Variants in NKAIN3 observed in about 807,000 individuals in gnomAD.
NKAIN3 encodes sodium/potassium-transporting ATPase subunit beta-1-interacting protein 3.
Under a neutral mutation model 30.2 loss-of-function variants are expected in NKAIN3, and 25 were observed. The observed-to-expected ratio is 0.83, with a 90% confidence interval of 0.60 to 1.16. NKAIN3 has a LOEUF of 1.16. NKAIN3 is among the 50% of genes most tolerant of loss of function. The pLI is 0.00. For missense variants in NKAIN3, 225 were observed against 254.1 expected (o/e 0.89, Z 0.78); for synonymous variants, 91 against 89.6 (o/e 1.02, Z -0.09).
chr8:62,734,758 T>G (rs2130552779), intron 3 of NKAIN3, among the ~76,000 whole-genome samples: 1 of 152,340 alleles, frequency 6.6e-6, no homozygotes, highest in South Asian at 2.1e-4. Flanking sequence ...AAGAAGTCTG[T>G]GTCATATATA....
intron 1 of NKAIN3, among the ~76,000 whole-genome samples, chr8:62,421,886 A>G (rs1204667671): frequency 2.0e-5 from 3 of 152,062 alleles, no homozygotes; most frequent in Admixed American, 2.0e-4. Flanking sequence ...CTATGATGTC[A>G]TATAGTCAGT....
chr8:62,831,680 G>GA (rs966447035), intron 4 of NKAIN3, among the ~76,000 whole-genome samples: 9 of 151,364 alleles, frequency 5.9e-5, no homozygotes, highest in African/African-American at 1.9e-4. Flanking sequence ...TAAAAATAAA[G>GA]AAAAAAAAAT....
rs547515045 is a variant in NKAIN3 at position 62,575,201 on chromosome 8, G to C, written c.55-4338G>C. 8.5e-5 allele frequency among the ~76,000 whole-genome samples: 13 copies of C among 152,118 alleles called. No homozygotes were observed. The East Asian group carries it at 2.3e-3, about 27-fold the overall frequency. On this transcript the variant is annotated intron_variant, in intron 1 of 6. Coordinates refer to ENST00000623646, the MANE Select transcript of NKAIN3 (RefSeq NM_001304533.3). ...AATTAGCCTTGTTTGCAGATGATAT[G>C]ATTTTATATTTGGGAAAACCTAAAG...
intron 1 of NKAIN3, among the ~76,000 whole-genome samples, chr8:62,255,556 T>TAATACAGAAAGAGAGCTAGTCTGG (rs1812237144): frequency 6.6e-6 from 1 of 152,188 alleles, no homozygotes; most frequent in African/African-American, 2.4e-5. Context: ...CCTAGGAACT[T>TAATACAGAAAGAGAGCTAGTCTGG]AATACAGAAA....
chr8:62,567,276 C>A lies in NKAIN3; in HGVS notation c.55-12263C>A, dbSNP rs188524973. Among the ~76,000 whole-genome samples the A allele has an allele frequency of 6.3e-3, 957 of 152,090 alleles. 7 individuals carry two copies. The highest frequency in any genetic ancestry group is 0.022 in the African/African-American group (901 of 41,490). ...GGTTGGAAGAAGAAAAAGAGAGACTCAAGATTCTTCTTAGACTGGTCAGGG... is the reference window on the plus strand; with the variant it reads ...GGTTGGAAGAAGAAAAAGAGAGACTAAAGATTCTTCTTAGACTGGTCAGGG... On this transcript the variant is annotated intron_variant, in intron 1 of 6. Coordinates refer to ENST00000623646, the MANE Select transcript of NKAIN3 (RefSeq NM_001304533.3).
At chr8:62,402,912 T>A (rs926563112) in intron 1 of NKAIN3, among the ~76,000 whole-genome samples, 2 of 151,962 alleles carry the variant, frequency 1.3e-5, no homozygotes, top group Admixed American at 1.3e-4. Flanking sequence ...GATAGGAAAA[T>A]GTGGGAAAGT....
rs548003905 is a variant in NKAIN3 at position 62,309,929 on chromosome 8, T to G, written c.54+60802T>G. Reference sequence around the variant, plus strand: ...CTCATCTATTTCTCACAATTCTGCTTGGAACTATATATCTCACATTCATCC... The same window carrying G: ...CTCATCTATTTCTCACAATTCTGCTGGGAACTATATATCTCACATTCATCC... On this transcript the variant is annotated intron_variant, in intron 1 of 6. Transcript: ENST00000623646. Among the ~76,000 whole-genome samples, 4 of 150,376 alleles carry G rather than the reference T, an allele frequency of 2.7e-5. No homozygotes were observed. The East Asian group carries it at 7.8e-4, about 29-fold the overall frequency.
At chr8:62,411,583 G>A (rs1804237560) in intron 1 of NKAIN3, among the ~76,000 whole-genome samples, 1 of 152,128 alleles carries the variant, frequency 6.6e-6, no homozygotes, top group Non-Finnish European at 1.5e-5. Context: ...AGAAATTAAA[G>A]GCATCGAAAT....
chr8:62,323,206 T>C (rs938485238), intron 1 of NKAIN3, among the ~76,000 whole-genome samples: 3 of 152,196 alleles, frequency 2.0e-5, no homozygotes, highest in Non-Finnish European at 4.4e-5. Flanking sequence ...TGAAAACTTA[T>C]AGTCACACAA....
At chr8:62,437,443 C>G (rs923009719) in intron 1 of NKAIN3, among the ~76,000 whole-genome samples, 1 of 152,176 alleles carries the variant, frequency 6.6e-6, no homozygotes, top group African/African-American at 2.4e-5. Context: ...CTTATTTACA[C>G]AATGCCTCCA....
chr8:62,823,268 A>C (rs1300499063), intron 4 of NKAIN3, among the ~76,000 whole-genome samples: 1 of 152,180 alleles, frequency 6.6e-6, no homozygotes, highest in African/African-American at 2.4e-5. Flanking sequence ...CTCCATTATA[A>C]TCTTATGGTA....
At chr8:62,628,934 C>T (rs1281106026) in intron 3 of NKAIN3, among the ~76,000 whole-genome samples, 2 of 152,246 alleles carry the variant, frequency 1.3e-5, no homozygotes, top group Non-Finnish European at 2.9e-5. Context: ...ATGTAGTCAT[C>T]CTTGATACAT....
chr8:62,918,480 G>A lies in NKAIN3; in HGVS notation c.499G>A (p.Val167Met), dbSNP rs1199779277. 11 of 1,613,146 alleles carry A rather than the reference G, an allele frequency of 6.8e-6. No homozygotes were observed. ...SLVGFVYACY[V>M]ISISMEEEDT... The stretch of plus-strand genomic sequence containing the variant: ...GGTGGGTTTTGTGTATGCCTGTTAT[G>A]TGATCAGTATTTCCATGGAAGAAGA... Residue 167 changes from valine (V) to methionine (M), a missense_variant, in exon 5 of 7, where the codon GTG becomes ATG. By Grantham distance (21) the Val-to-Met change is conservative. Transcript: ENST00000623646.
chr8:62,810,481 G>A (rs1818452181), intron 4 of NKAIN3, among the ~76,000 whole-genome samples: 2 of 151,986 alleles, frequency 1.3e-5, no homozygotes. Flanking sequence ...TAGACTCCAT[G>A]GGCTTCAGTT....
chr8:62,290,640 G>C (rs1813572387), intron 1 of NKAIN3, among the ~76,000 whole-genome samples: 1 of 152,102 alleles, frequency 6.6e-6, no homozygotes, highest in South Asian at 2.1e-4. Flanking sequence ...GATTCAGTTT[G>C]CCAGTATTTT....
intron 1 of NKAIN3, among the ~76,000 whole-genome samples, chr8:62,266,058 C>A (rs1382966356): frequency 6.6e-6 from 1 of 152,116 alleles, no homozygotes; most frequent in Non-Finnish European, 1.5e-5. Flanking sequence ...TACTGTGTCC[C>A]TCTGTTCACT....
chr8:62,628,760 A>G (rs534457349), intron 3 of NKAIN3, among the ~76,000 whole-genome samples: 5 of 152,246 alleles, frequency 3.3e-5, no homozygotes, highest in African/African-American at 1.2e-4. Flanking sequence ...TTTCTCATGC[A>G]TAAGTAATGG....
chr8:62,496,188 AG>A (rs1394667369), intron 1 of NKAIN3, among the ~76,000 whole-genome samples: 6 of 152,176 alleles, frequency 3.9e-5, no homozygotes, highest in Admixed American at 3.9e-4. Context: ...TAAGCATAAA[AG>A]GAAAGGCAGA....
chr8:62,606,652 T>G (rs1811142235), intron 3 of NKAIN3, among the ~76,000 whole-genome samples: 1 of 152,326 alleles, frequency 6.6e-6, no homozygotes, highest in South Asian at 2.1e-4. Flanking sequence ...GTGCAATGGC[T>G]TGACAGAATC....
Sources: allele counts gnomAD v4.1 joint callset (sites outside exome capture counted in the v4.1 genomes callset), GRCh38; gene constraint gnomAD v4.1.1; transcripts MANE v1.5; gene names NCBI Gene and HGNC (gene_info 2026-07-23, HGNC 2026-07-21).